Variants in RBM19 observed in about 807,000 individuals in gnomAD.
RBM19 encodes RNA binding motif protein 19, also known as probable RNA-binding protein 19.
Under a neutral mutation model 116.8 loss-of-function variants are expected in RBM19, and 94 were observed. That is an observed-to-expected ratio of 0.80 (90% CI 0.68 to 0.95). RBM19 has a LOEUF of 0.95. RBM19 is among the 40% of genes least tolerant of loss of function. The pLI is 0.00. For synonymous variants in RBM19, 475 were observed against 494.1 expected (o/e 0.96, Z 0.51); for missense variants, 1,161 against 1,220.7 (o/e 0.95, Z 0.73).
chr12:113,836,219 G>C (rs1027664711), intron 23 of RBM19, among the ~76,000 whole-genome samples: 17 of 152,198 alleles, frequency 1.1e-4, no homozygotes, highest in Non-Finnish European at 4.4e-5. Flanking sequence ...AGCAAGGAAG[G>C]GAGGGAGGTG....
Position 113,915,079 on chromosome 12 carries a change from G to T in RBM19, c.2448C>A (p.Ala816=). The T allele has an allele frequency of 6.2e-7, 1 of 1,613,962 alleles. No homozygotes were observed. Residue 816 remains alanine, a synonymous_variant, in exon 21 of 24, where the codon GCC becomes GCA. Transcript: ENST00000261741. ...VRISERATKP[A]VTLARKKQVP... Reference sequence around the variant, plus strand: ...CTTGTTTCTTCCGAGCCAATGTCACGGCTGGCCTGGAGTGGTGGGGGGAGA... The same window carrying T: ...CTTGTTTCTTCCGAGCCAATGTCACTGCTGGCCTGGAGTGGTGGGGGGAGA...
intron 21 of RBM19, among the ~76,000 whole-genome samples, chr12:113,900,543 G>A (rs1230295304): frequency 6.6e-6 from 1 of 152,174 alleles, no homozygotes; most frequent in African/African-American, 2.4e-5. Context: ...CAACAAATGA[G>A]GCCCCGAGAG....
intron 23 of RBM19, among the ~76,000 whole-genome samples, chr12:113,824,889 G>C (rs996391810): frequency 1.3e-5 from 2 of 151,872 alleles, no homozygotes; most frequent in African/African-American, 2.4e-5. Flanking sequence ...TCTAAAACAT[G>C]TGCGTCAGAT....
At chr12:113,824,303 C>T (rs1301036450) in intron 23 of RBM19, among the ~76,000 whole-genome samples, 4 of 152,178 alleles carry the variant, frequency 2.6e-5, no homozygotes, top group Non-Finnish European at 5.9e-5. Context: ...CACAGTCTTT[C>T]TGCTTTTTAT....
chr12:113,877,972 C>A (rs191383446), intron 21 of RBM19, among the ~76,000 whole-genome samples: 3 of 152,166 alleles, frequency 2.0e-5, no homozygotes, highest in Admixed American at 6.5e-5. Flanking sequence ...CAGAATCTGG[C>A]CTACTAAATA....
chr12:113,827,791 G>A (rs968366195), intron 23 of RBM19, among the ~76,000 whole-genome samples: 4 of 151,944 alleles, frequency 2.6e-5, no homozygotes, highest in Non-Finnish European at 4.4e-5. Flanking sequence ...TGGGTGAGCT[G>A]CCAGGATCAA....
intron 14 of RBM19, 54 bp downstream of exon 14, chr12:113,942,270 C>T (rs1469110367): frequency 6.7e-7 from 1 of 1,489,722 alleles, no homozygotes; most frequent in Non-Finnish European, 9.2e-7. Flanking sequence ...CTGGAAAGGC[C>T]ATTCTCGACT....
At chr12:113,861,546 GAGAGAGAA>G (rs1477712233) in intron 21 of RBM19, among the ~76,000 whole-genome samples, 1 of 151,568 alleles carries the variant, frequency 6.6e-6, no homozygotes, top group Non-Finnish European at 1.5e-5. Context: ...GTGGTGGTGT[GAGAGAGAA>G]AGAGAGAAGG....
rs1555232815 is a variant in RBM19 at position 113,863,236 on chromosome 12, T to TGTGTGA, written c.2559-4341_2559-4340insTCACAC. Among the ~76,000 whole-genome samples, 840 of 142,156 alleles carry TGTGTGA rather than the reference T, an allele frequency of 5.9e-3. 9 individuals carry two copies. Among genetic ancestry groups the TGTGTGA allele is most frequent in the South Asian group, 9.3e-3 (41 of 4,428 alleles). The allele number at this position is 142,156 out of a possible 152,430, so 93.3% of individuals were successfully genotyped here. ...CTGTGTGTGTGTGTGTGTGTGTGTG[T>TGTGTGA]GGGGCCAGCGTATGGGTGGGTGGGG... On this transcript the variant is annotated intron_variant, in intron 21 of 23. Transcript: ENST00000261741.
intron 23 of RBM19, among the ~76,000 whole-genome samples, chr12:113,823,804 G>C (rs1195144679): frequency 2.0e-5 from 3 of 152,172 alleles, no homozygotes; most frequent in Non-Finnish European, 4.4e-5. Context: ...AGAGAGGCTG[G>C]ACCAAGCAGT....
intron 8 of RBM19, among the ~76,000 whole-genome samples, chr12:113,950,721 C>T (rs140985733): frequency 4.6e-5 from 7 of 152,266 alleles, no homozygotes; most frequent in South Asian, 2.1e-4. Context: ...AGAAATACTC[C>T]GAGGGGCACT....
chr12:113,895,394 C>T (rs890636091), intron 21 of RBM19, among the ~76,000 whole-genome samples: 1 of 152,204 alleles, frequency 6.6e-6, no homozygotes, highest in Non-Finnish European at 1.5e-5. Flanking sequence ...GCTCCAAACC[C>T]ACTTTCCTTA....
At chr12:113,909,657 C>T (rs1448214175) in intron 21 of RBM19, among the ~76,000 whole-genome samples, 1 of 152,120 alleles carries the variant, frequency 6.6e-6, no homozygotes, top group East Asian at 1.9e-4. Context: ...ACAGCGGAAG[C>T]TCACAGGTGG....
chr12:113,884,198 C>T (rs1370925659), intron 21 of RBM19, among the ~76,000 whole-genome samples: 3 of 150,812 alleles, frequency 2.0e-5, no homozygotes, highest in South Asian at 2.1e-4. Context: ...GTGGGAGGAT[C>T]GCTTGAGCTA....
chr12:113,842,672 C>G (rs1876597382), intron 23 of RBM19, among the ~76,000 whole-genome samples: 1 of 152,172 alleles, frequency 6.6e-6, no homozygotes, highest in Non-Finnish European at 1.5e-5. Flanking sequence ...AAATAAGTTA[C>G]AACGTGGCAA....
intron 11 of RBM19, 138 bp from the exon 12 acceptor site, chr12:113,946,613 G>A (rs1448629307): frequency 9.0e-7 from 1 of 1,113,692 alleles, no homozygotes; most frequent in Non-Finnish European, 1.3e-6. Flanking sequence ...AGGGAGGTCA[G>A]GTAGAACGTG....
At chr12:113,936,755 T>C (rs1870101188) in intron 16 of RBM19, 2 of 403,108 alleles carry the variant, frequency 5.0e-6, no homozygotes, top group Non-Finnish European at 8.8e-6. Flanking sequence ...CTTTGAATCC[T>C]TGTTAATAGA....
In RBM19 at chr12:113,854,131, C is replaced by G. The variant is rs58912891; in HGVS notation, c.2664+4660G>C. Among the ~76,000 whole-genome samples, 996 of 151,526 alleles carry G rather than the reference C, an allele frequency of 6.6e-3. 12 individuals carry two copies. The highest frequency in any genetic ancestry group is 0.022 in the African/African-American group (926 of 41,338). On this transcript the variant is annotated intron_variant, in intron 22 of 23. Coordinates refer to ENST00000261741, the MANE Select transcript of RBM19 (RefSeq NM_016196.4). ...CTGCCAAGTGCCACTATAAGATCTT[C>G]AGCAAGCAACTTTGTCCCTTTGAGC...
intron 21 of RBM19, among the ~76,000 whole-genome samples, chr12:113,896,860 T>C (rs1881369395): frequency 6.6e-6 from 1 of 152,232 alleles, no homozygotes; most frequent in Admixed American, 6.5e-5. Context: ...CTGCAGGATC[T>C]TTTCATGGCA....
Sources: gnomAD v4.1 joint callset for allele counts (sites outside exome capture counted in the v4.1 genomes callset) on GRCh38, gnomAD v4.1.1 for gene constraint, MANE v1.5 for transcripts, NCBI Gene and HGNC (gene_info 2026-07-23, HGNC 2026-07-21) for gene names.